The following GPM6B variants were observed in gnomAD, a reference collection of about 807,000 sequenced individuals.
The protein encoded by GPM6B is glycoprotein M6B.
A neutral mutation model predicts 27.2 loss-of-function variants in GPM6B; 4 were observed. That is an observed-to-expected ratio of 0.15 (90% CI 0.07 to 0.34). GPM6B has a LOEUF of 0.34. GPM6B is among the 10% of genes least tolerant of loss of function. The pLI, the probability that GPM6B is intolerant of heterozygous loss-of-function variation, is 1.00. For missense variants in GPM6B, 183 were observed against 261.9 expected, an observed-to-expected ratio of 0.70 and a Z score of 2.08; for synonymous variants, 124 against 103.1, an observed-to-expected ratio of 1.20 and a Z score of -1.23.
At chrX:13,926,169 C>A (rs941674226) in intron 1 of GPM6B, among the ~76,000 whole-genome samples, 2 of 108,510 alleles carry the variant, frequency 1.8e-5, no homozygotes, top group Non-Finnish European at 3.8e-5. Context: ...TTTGGGAGGC[C>A]GAGGCAGGCA....
In GPM6B at chrX:13,776,266, G is replaced by A; in HGVS notation, c.809C>T (p.Ala270Val). 1 of 1,209,516 alleles carries A rather than the reference G, an allele frequency of 8.3e-7. No individual in the cohort carries two copies. ...GGCAATGACGGTGGCACCAGCTCCT[G>A]CACAGGCCACAATGAACAGGTGATA... ...MSYHLFIVAC[A>V]GAGATVIALI... The change falls in exon 7 of 8, where the codon GCA (alanine) becomes GTA (valine). Residue 270 changes from alanine to valine, a missense_variant. Coordinates refer to ENST00000316715, the MANE Select transcript of GPM6B (RefSeq NM_001001995.3).
chrX:13,875,894 T>C (rs1300135945), intron 1 of GPM6B, among the ~76,000 whole-genome samples: 2 of 111,894 alleles, frequency 1.8e-5, no homozygotes, highest in Non-Finnish European at 1.9e-5. Context: ...GACTGCTTAA[T>C]GGTATAGGGT....
At chrX:13,793,630 C>G (rs940894563) in intron 2 of GPM6B, among the ~76,000 whole-genome samples, 3 of 112,252 alleles carry the variant, frequency 2.7e-5, no homozygotes, top group Admixed American at 9.4e-5. Context: ...AGAAAACTAA[C>G]TTTCTTGGAA....
intron 1 of GPM6B, among the ~76,000 whole-genome samples, chrX:13,877,495 TG>T (rs1370673835): frequency 1.8e-5 from 2 of 110,238 alleles, no homozygotes; most frequent in African/African-American, 3.3e-5. Context: ...TCTGGCCACC[TG>T]GGTCCTTTGC....
At chrX:13,819,708 C>T (rs979837625), upstream of GPM6B, among the ~76,000 whole-genome samples, 2 of 111,604 alleles carry the variant, frequency 1.8e-5, no homozygotes, top group East Asian at 5.6e-4. Flanking sequence ...GCACAAGTGA[C>T]GATGCCTGTC....
At chrX:13,875,918 C>T (rs977412026) in intron 1 of GPM6B, among the ~76,000 whole-genome samples, 1 of 111,707 alleles carries the variant, frequency 9.0e-6, no homozygotes, top group Non-Finnish European at 1.9e-5. Flanking sequence ...CTTTGGATGA[C>T]AAAAATGTCC....
At chrX:13,804,601 G>T (rs2048988250) in intron 2 of GPM6B, among the ~76,000 whole-genome samples, 1 of 110,494 alleles carries the variant, frequency 9.1e-6, no homozygotes, top group Non-Finnish European at 1.9e-5. Context: ...GCAAGAAAAA[G>T]AAAACCATGA....
chrX:13,849,706 C>T (rs2049691582), intron 1 of GPM6B, among the ~76,000 whole-genome samples: 1 of 110,275 alleles, frequency 9.1e-6, no homozygotes, highest in Non-Finnish European at 1.9e-5. Context: ...GAAACAGAAT[C>T]AGGGAGTTGG....
At chrX:13,789,851 T>C (rs936356551) in intron 2 of GPM6B, among the ~76,000 whole-genome samples, 2 of 111,174 alleles carry the variant, frequency 1.8e-5, no homozygotes, top group African/African-American at 6.5e-5. Flanking sequence ...TTTTTTGTTT[T>C]GTTTTGTTTT....
At chrX:13,881,029 T>C (rs2050092250) in intron 1 of GPM6B, among the ~76,000 whole-genome samples, 1 of 111,824 alleles carries the variant, frequency 8.9e-6, no homozygotes, top group Admixed American at 9.5e-5. Flanking sequence ...AGAGACTCTC[T>C]GAACACTCTG....
Position 13,798,841 on chromosome X carries a change from T to A in GPM6B, c.181+8809A>T, listed in dbSNP as rs147519516. On this transcript the variant is annotated intron_variant, in intron 2 of 7. Transcript: ENST00000316715. Reference sequence around the variant, plus strand: ...GGCCGTCCTGTGCACTGTAGGATGTTTAGCAGCATCCCTGACCTCTACACC... The same window carrying A: ...GGCCGTCCTGTGCACTGTAGGATGTATAGCAGCATCCCTGACCTCTACACC... Among the ~76,000 whole-genome samples, 12 of 111,995 alleles carry A rather than the reference T, an allele frequency of 1.1e-4. No individual in the cohort carries two copies. The East Asian group carries it at 3.1e-3, about 29-fold the overall frequency.
At chrX:13,776,375 T>C in intron 6 of GPM6B, 72 bp from the exon 7 acceptor site, 1 of 803,635 alleles carries the variant, frequency 1.2e-6, no homozygotes, top group Non-Finnish European at 1.8e-6. Flanking sequence ...TGTGGGGTGC[T>C]GCTTCATCTG....
At chrX:13,855,020 A>C (rs1158937722) in intron 1 of GPM6B, among the ~76,000 whole-genome samples, 3 of 89,637 alleles carry the variant, frequency 3.3e-5, no homozygotes, top group African/African-American at 1.4e-4. Flanking sequence ...ATAGTTAGCC[A>C]CTCCCCTTTT....
At chrX:13,824,641 T>A (rs930208878) in intron 1 of GPM6B, among the ~76,000 whole-genome samples, 2 of 110,818 alleles carry the variant, frequency 1.8e-5, no homozygotes, top group Non-Finnish European at 3.8e-5. Flanking sequence ...AGGGAAGAGG[T>A]GGGGACTGCA....
chrX:13,806,335 T>C (rs988126763), intron 2 of GPM6B, among the ~76,000 whole-genome samples: 4 of 112,646 alleles, frequency 3.6e-5, no homozygotes, highest in African/African-American at 1.3e-4. Flanking sequence ...TGTTGTAGCA[T>C]GCACAAATAT....
At chrX:13,813,298 C>G (rs1300684464) in intron 1 of GPM6B, among the ~76,000 whole-genome samples, 1 of 110,478 alleles carries the variant, frequency 9.1e-6, no homozygotes, top group Non-Finnish European at 1.9e-5. Context: ...GAAATTATAT[C>G]TATTTGATCA....
At chrX:13,777,457 C>T (rs2048435896) in intron 5 of GPM6B, 32 bp from the exon 6 acceptor site, 6 of 977,473 alleles carry the variant, frequency 6.1e-6, no homozygotes, top group Non-Finnish European at 7.3e-6. Flanking sequence ...GATGTTAGTA[C>T]AAACTATAGC....
chrX:13,930,040 T>C, intron 1 of GPM6B, among the ~76,000 whole-genome samples: 1 of 112,229 alleles, frequency 8.9e-6, no homozygotes, highest in Admixed American at 9.5e-5. Flanking sequence ...AGTTCAAATA[T>C]ACTGAATTAT....
chrX:13,898,217 T>C (rs1202836828), intron 1 of GPM6B, among the ~76,000 whole-genome samples: 4 of 111,566 alleles, frequency 3.6e-5, no homozygotes, highest in African/African-American at 1.3e-4. Context: ...CTGTGAATTG[T>C]AGACTATTTA....
Sources: allele counts gnomAD v4.1 joint callset (sites outside exome capture counted in the v4.1 genomes callset), GRCh38; gene constraint gnomAD v4.1.1; transcripts MANE v1.5; gene names NCBI Gene and HGNC (gene_info 2026-07-23, HGNC 2026-07-21).